KHDRBS2: variants seen among roughly 807,000 people sequenced by gnomAD.
KHDRBS2 encodes KH domain-containing, RNA-binding, signal transduction-associated protein 2.
KHDRBS2 carries 26 observed loss-of-function variants against 44.3 expected under a neutral mutation model. The observed-to-expected ratio is 0.59, with a 90% CI of 0.43 to 0.81. KHDRBS2 has a LOEUF of 0.81. Ranked by LOEUF, KHDRBS2 falls within the 40% of genes least tolerant of loss-of-function variation. The probability of loss-of-function intolerance (pLI) is 0.00; values close to 1 mark genes in which losing one functional copy is unlikely to be tolerated. For synonymous variants in KHDRBS2, 194 were observed against 151.1 expected, an observed-to-expected ratio of 1.28 and a Z score of -2.08; for missense variants, 476 against 433.1, an observed-to-expected ratio of 1.10 and a Z score of -0.88.
intron 4 of KHDRBS2, among the ~76,000 whole-genome samples, chr6:61,934,461 G>T (rs1810664223): frequency 1.3e-5 from 2 of 152,094 alleles, no homozygotes; most frequent in Admixed American, 6.5e-5. Flanking sequence ...GATACAAGCT[G>T]TAATAGAGTA....
intron 6 of KHDRBS2, among the ~76,000 whole-genome samples, chr6:61,783,509 A>C (rs905149182): frequency 6.6e-6 from 1 of 152,134 alleles, no homozygotes; most frequent in Non-Finnish European, 1.5e-5. Flanking sequence ...AAAATACATA[A>C]AAGCAAAAGA....
rs1554292162 is a variant in KHDRBS2, at chr6:61,955,546, A to ATG, written c.483+22519_483+22520insCA. Among the ~76,000 whole-genome samples, 2 of 22,962 alleles carry ATG rather than the reference A, an allele frequency of 8.7e-5. 1 individual carries two copies. Among genetic ancestry groups the ATG allele is most frequent in the Non-Finnish European group, 2.1e-4 (2 of 9,690 alleles). 15.1% of individuals were successfully genotyped at this position (22,962 alleles called of 152,430 possible). ...TATGTATACATGTGTATATATACAC[A>ATG]TATGTATGTATACATGTGTATATAT... On this transcript the variant is annotated intron_variant, in intron 4 of 8. Coordinates refer to ENST00000281156, the MANE Select transcript of KHDRBS2 (RefSeq NM_152688.4).
chr6:61,811,720 A>AT (rs571708359), intron 6 of KHDRBS2, among the ~76,000 whole-genome samples: 65 of 151,924 alleles, frequency 4.3e-4, no homozygotes, highest in African/African-American at 1.1e-3. Context: ...TCTCTTCTTG[A>AT]TTTTTTTTAT....
At chr6:61,832,393 GTC>G (rs1791969501) in intron 6 of KHDRBS2, among the ~76,000 whole-genome samples, 1 of 152,048 alleles carries the variant, frequency 6.6e-6, no homozygotes, top group African/African-American at 2.4e-5. Context: ...CTTCTCTCTT[GTC>G]TTGTGTGTGT....
chr6:62,061,982 T>C (rs1433464452), intron 2 of KHDRBS2, among the ~76,000 whole-genome samples: 1 of 151,948 alleles, frequency 6.6e-6, no homozygotes, highest in Non-Finnish European at 1.5e-5. Flanking sequence ...CTGAGGCTCC[T>C]GCATTCTTCA....
intron 4 of KHDRBS2, among the ~76,000 whole-genome samples, chr6:61,965,661 A>C (rs1012156556): frequency 1.3e-5 from 2 of 151,814 alleles, no homozygotes; most frequent in Non-Finnish European, 2.9e-5. Flanking sequence ...AGTTATTTTT[A>C]ATTTCCAAAG....
intron 1 of KHDRBS2, among the ~76,000 whole-genome samples, chr6:62,244,496 C>T (rs1479792535): frequency 6.6e-6 from 1 of 152,018 alleles, no homozygotes; most frequent in Non-Finnish European, 1.5e-5. Context: ...ATAAAGAAAG[C>T]ACATGGCTAT....
chr6:62,038,486 G>T (rs1009125263), intron 3 of KHDRBS2, among the ~76,000 whole-genome samples: 1 of 152,000 alleles, frequency 6.6e-6, no homozygotes, highest in South Asian at 2.1e-4. Flanking sequence ...AGATATTTAT[G>T]ACTGACAAAA....
At chr6:61,818,948 G>A (rs1393308770) in intron 6 of KHDRBS2, among the ~76,000 whole-genome samples, 1 of 151,830 alleles carries the variant, frequency 6.6e-6, no homozygotes, top group African/African-American at 2.4e-5. Flanking sequence ...ATGTTACTAG[G>A]AATTGCGTTT....
At chr6:62,089,499 C>A (rs753835689) in intron 2 of KHDRBS2, among the ~76,000 whole-genome samples, 1 of 152,124 alleles carries the variant, frequency 6.6e-6, no homozygotes, top group African/African-American at 2.4e-5. Context: ...TGACCCCTTG[C>A]ACTTTTCAGG....
the KHDRBS2 span, among the ~76,000 whole-genome samples, chr6:61,577,620 T>A: frequency 6.6e-6 from 1 of 152,182 alleles, no homozygotes; most frequent in Admixed American, 6.6e-5. Context: ...ATTATGACTT[T>A]TCAGCAAAAA....
intron 2 of KHDRBS2, among the ~76,000 whole-genome samples, chr6:62,117,642 AC>A: frequency 6.6e-6 from 1 of 151,962 alleles, no homozygotes; most frequent in East Asian, 1.9e-4. Flanking sequence ...TGCTCCTGTT[AC>A]CTGTGCTTTT....
the KHDRBS2 span, among the ~76,000 whole-genome samples, chr6:61,617,390 C>G: frequency 1.3e-5 from 2 of 151,536 alleles, no homozygotes; most frequent in Admixed American, 6.6e-5. Flanking sequence ...GTCTCATTGT[C>G]CTAGTTATCT....
intron 2 of KHDRBS2, among the ~76,000 whole-genome samples, chr6:62,162,544 T>G (rs1030427211): frequency 3.9e-5 from 6 of 152,086 alleles, no homozygotes; most frequent in Non-Finnish European, 8.8e-5. Context: ...GATGGATAGC[T>G]ACTACTGTGC....
At chr6:61,861,611 A>G (rs1321282643) in intron 6 of KHDRBS2, among the ~76,000 whole-genome samples, 5 of 149,148 alleles carry the variant, frequency 3.4e-5, no homozygotes, top group Non-Finnish European at 7.4e-5. Context: ...TGTTTCAATT[A>G]CTTGTAGCCG....
At position 61,910,553 on chromosome 6, in the gene KHDRBS2, G is replaced by T. The variant is rs1223311558; in HGVS notation, c.484-9182C>A. Among the ~76,000 whole-genome samples the T allele has an allele frequency of 2.0e-5, 3 of 152,082 alleles. No individual in the cohort carries two copies. The South Asian group carries it at 6.2e-4, about 31-fold the overall frequency. On this transcript the variant is annotated intron_variant, in intron 4 of 8. Coordinates refer to ENST00000281156, the MANE Select transcript of KHDRBS2 (RefSeq NM_152688.4). ...ACATTGCCCATTACTCATCATCAGA[G>T]AATAAGATAGTACCAATACAGACAG...
chr6:62,109,154 G>T (rs1001500767), intron 2 of KHDRBS2, among the ~76,000 whole-genome samples: 2 of 151,020 alleles, frequency 1.3e-5, no homozygotes, highest in African/African-American at 4.9e-5. Flanking sequence ...AGGGACGGTT[G>T]TCCTAGAAAT....
chr6:61,934,474 T>C (rs1810667214), intron 4 of KHDRBS2, among the ~76,000 whole-genome samples: 1 of 152,156 alleles, frequency 6.6e-6, no homozygotes, highest in South Asian at 2.1e-4. Context: ...ATAGAGTATA[T>C]GCATTGTCAG....
chr6:61,719,797 C>T (rs1199443477), intron 7 of KHDRBS2, among the ~76,000 whole-genome samples: 4 of 151,652 alleles, frequency 2.6e-5, no homozygotes, highest in African/African-American at 4.8e-5. Flanking sequence ...TATTATTATA[C>T]TTTAAGTTTT....
Sources: gnomAD v4.1 joint callset for allele counts (sites outside exome capture counted in the v4.1 genomes callset) on GRCh38, gnomAD v4.1.1 for gene constraint, MANE v1.5 for transcripts, NCBI Gene and HGNC (gene_info 2026-07-23, HGNC 2026-07-21) for gene names.